CDH13: variants seen among roughly 807,000 people sequenced by gnomAD.
The protein encoded by CDH13 is cadherin 13.
Under a neutral mutation model 63.8 loss-of-function variants are expected in CDH13, and 24 were observed. The ratio of observed to expected loss-of-function variants is 0.38; its 90% CI spans 0.27 to 0.53. CDH13 has a LOEUF of 0.53. Among genes scored for constraint, CDH13 ranks in the 20% least tolerant of loss-of-function variants. The pLI, the probability that CDH13 is intolerant of heterozygous loss-of-function variation, is 0.85. For synonymous variants in CDH13, 503 were observed against 355.3 expected, an observed-to-expected ratio of 1.42 and a Z score of -4.67; for missense variants, 1,049 against 903.1, an observed-to-expected ratio of 1.16 and a Z score of -2.07.
rs1371902594 is a variant in CDH13 at position 83,512,906 on chromosome 16, G to T, written c.960+26251G>T. On this transcript the variant is annotated intron_variant, in intron 7 of 13. Coordinates refer to ENST00000567109, the MANE Select transcript of CDH13 (RefSeq NM_001257.5). ...TGTGTTTTCAACAAACCCTCTAGATGATGCCAAGCCACACTAAAATTTGAG... is the reference window on the plus strand; with the variant it reads ...TGTGTTTTCAACAAACCCTCTAGATTATGCCAAGCCACACTAAAATTTGAG... 3.3e-5 allele frequency among the ~76,000 whole-genome samples: 5 copies of T among 151,928 alleles called. No homozygotes were observed. In the East Asian group the frequency reaches 9.7e-4, roughly 29 times the overall value.
chr16:83,792,361 T>A (rs1916329482), intron 13 of CDH13, among the ~76,000 whole-genome samples: 1 of 151,188 alleles, frequency 6.6e-6, no homozygotes, highest in African/African-American at 2.4e-5. Flanking sequence ...ACGAGTCACT[T>A]ATGTTATCAT....
chr16:83,480,883 A>T (rs1344414855), intron 6 of CDH13, among the ~76,000 whole-genome samples: 4 of 152,188 alleles, frequency 2.6e-5, no homozygotes, highest in Non-Finnish European at 5.9e-5. Flanking sequence ...CATCTGTCTC[A>T]CCTGGCTAAG....
intron 6 of CDH13, among the ~76,000 whole-genome samples, chr16:83,361,737 A>C (rs1597832434): frequency 2.0e-5 from 3 of 152,230 alleles, no homozygotes; most frequent in Non-Finnish European, 1.5e-5. Flanking sequence ...AGATGCCTAT[A>C]GGTGTGCAGC....
chr16:83,658,077 GTCCTCACCAGCAAGGTCCCATA>G lies in CDH13; in HGVS notation c.1102-12703_1102-12682del, dbSNP rs1567490273. On this transcript the variant is annotated intron_variant, in intron 8 of 13. Coordinates refer to ENST00000567109, the MANE Select transcript of CDH13 (RefSeq NM_001257.5). ...CCATATCCTCACCACCAGGTGCCATGTCCTCACCAGCAAGGTCCCATATCCTCACCACCAGGTGCCATATCCT... is the reference window on the plus strand; with the variant it reads ...CCATATCCTCACCACCAGGTGCCATGTCCTCACCACCAGGTGCCATATCCT... Among the ~76,000 whole-genome samples, 237 of 30,762 alleles carry G rather than the reference GTCCTCACCAGCAAGGTCCCATA, an allele frequency of 7.7e-3. 8 individuals carry two copies. The highest frequency in any genetic ancestry group is 0.026 in the African/African-American group (229 of 8,748). 20.2% of individuals were successfully genotyped at this position (30,762 alleles called of 152,430 possible).
chr16:83,393,685 A>G (rs925505421), intron 6 of CDH13, among the ~76,000 whole-genome samples: 2 of 152,188 alleles, frequency 1.3e-5, no homozygotes, highest in African/African-American at 2.4e-5. Context: ...CATTCATTGA[A>G]TTGAATCATT....
At chr16:83,603,012 A>G (rs1356563302) in intron 8 of CDH13, among the ~76,000 whole-genome samples, 1 of 152,242 alleles carries the variant, frequency 6.6e-6, no homozygotes, top group Non-Finnish European at 1.5e-5. Context: ...TTCCTAGTCC[A>G]TAACAATGTG....
At chr16:82,877,797 T>A (rs886799027) in intron 2 of CDH13, among the ~76,000 whole-genome samples, 38 of 29,746 alleles carry the variant, frequency 1.3e-3, no homozygotes, top group Admixed American at 2.3e-4. Flanking sequence ...CCTCTATTCA[T>A]TTTTTTTTTT....
At chr16:83,132,850 C>A (rs1305993268) in intron 4 of CDH13, among the ~76,000 whole-genome samples, 1 of 152,204 alleles carries the variant, frequency 6.6e-6, no homozygotes, top group Non-Finnish European at 1.5e-5. Context: ...CTCAAAAATT[C>A]TTCTTGAGAT....
chr16:83,379,158 T>C (rs2151413717), intron 6 of CDH13, among the ~76,000 whole-genome samples: 1 of 152,332 alleles, frequency 6.6e-6, no homozygotes, highest in Non-Finnish European at 1.5e-5. Context: ...ATTCTTAGCC[T>C]TTTTAAAATA....
intron 2 of CDH13, among the ~76,000 whole-genome samples, chr16:82,974,325 C>T (rs1421965068): frequency 1.3e-5 from 2 of 152,208 alleles, no homozygotes; most frequent in African/African-American, 2.4e-5. Flanking sequence ...GCATCTTCCA[C>T]ATCCTTCACT....
intron 1 of CDH13, among the ~76,000 whole-genome samples, chr16:82,717,513 A>G (rs756806414): frequency 1.1e-4 from 16 of 151,722 alleles, no homozygotes; most frequent in Non-Finnish European, 1.8e-4. Flanking sequence ...ACTTGTTTCA[A>G]TGGGCTAGAG....
chr16:83,486,974 G>C (rs553144766), intron 7 of CDH13, among the ~76,000 whole-genome samples: 2 of 152,124 alleles, frequency 1.3e-5, no homozygotes, highest in Non-Finnish European at 2.9e-5. Flanking sequence ...AATGCTAGAA[G>C]GGAGAGGGAA....
intron 7 of CDH13, among the ~76,000 whole-genome samples, chr16:83,589,385 A>G (rs952990874): frequency 3.0e-5 from 4 of 132,794 alleles, no homozygotes; most frequent in Non-Finnish European, 4.8e-5. Context: ...CCCCAACACC[A>G]TCTTCTCTGC....
At chr16:83,371,360 A>G (rs1221516612) in intron 6 of CDH13, among the ~76,000 whole-genome samples, 3 of 150,720 alleles carry the variant, frequency 2.0e-5, no homozygotes, top group African/African-American at 5.0e-5. Flanking sequence ...AGGTCTCCCA[A>G]TCCTAATATG....
chr16:82,746,179 T>C (rs1241238266), intron 1 of CDH13, among the ~76,000 whole-genome samples: 1 of 124,986 alleles, frequency 8.0e-6, no homozygotes, highest in African/African-American at 2.8e-5. Context: ...ATATATTATA[T>C]GCATGGTGTG....
intron 5 of CDH13, among the ~76,000 whole-genome samples, chr16:83,222,071 C>T (rs1168796927): frequency 6.6e-6 from 1 of 152,162 alleles, no homozygotes; most frequent in Non-Finnish European, 1.5e-5. Context: ...ATGGTCTCAT[C>T]TCATCTTCAT....
At chr16:82,916,091 A>G (rs939973824) in intron 2 of CDH13, among the ~76,000 whole-genome samples, 2 of 152,140 alleles carry the variant, frequency 1.3e-5, no homozygotes, top group Non-Finnish European at 2.9e-5. Context: ...TCCAGACTAC[A>G]TTCCTTTTTA....
At chr16:82,713,565 A>G (rs1004425169) in intron 1 of CDH13, among the ~76,000 whole-genome samples, 1 of 152,226 alleles carries the variant, frequency 6.6e-6, no homozygotes, top group East Asian at 1.9e-4. Context: ...GTACGGACTC[A>G]GAGGTTGCAG....
At chr16:82,646,649 C>T (rs570039449) in intron 1 of CDH13, among the ~76,000 whole-genome samples, 555 of 152,182 alleles carry the variant, frequency 3.6e-3, no homozygotes, top group Non-Finnish European at 5.4e-3. Flanking sequence ...GGGTTGTGAG[C>T]GATGCTTTCA....
Sources: gnomAD v4.1 joint callset for allele counts (sites outside exome capture counted in the v4.1 genomes callset) on GRCh38, gnomAD v4.1.1 for gene constraint, MANE v1.5 for transcripts, NCBI Gene and HGNC (gene_info 2026-07-23, HGNC 2026-07-21) for gene names.